Variants in CDC27 observed in about 807,000 individuals in gnomAD.
CDC27 encodes cell division cycle 27, also known as cell division cycle protein 27 homolog.
A neutral mutation model predicts 109.7 loss-of-function variants in CDC27; 27 were observed. The ratio of observed to expected loss-of-function variants is 0.25; its 90% CI spans 0.18 to 0.34. CDC27 has a LOEUF of 0.34. Ranked by LOEUF, CDC27 falls within the 10% of genes least tolerant of loss-of-function variation. The probability of loss-of-function intolerance (pLI) is 1.00; values close to 1 mark genes in which losing one functional copy is unlikely to be tolerated. For synonymous variants in CDC27, 266 were observed against 333.9 expected (o/e 0.80, Z 2.22); for missense variants, 579 against 960.2 (o/e 0.60, Z 5.25).
chr17:47,168,972 T>C (rs1475411691), intron 4 of CDC27, among the ~76,000 whole-genome samples: 1 of 151,060 alleles, frequency 6.6e-6, no homozygotes, highest in African/African-American at 2.4e-5. Flanking sequence ...GCAGAGTTAC[T>C]TGTTCTTTTT....
At chr17:47,128,639 G>A (rs536884555) in intron 16 of CDC27, among the ~76,000 whole-genome samples, 2 of 152,116 alleles carry the variant, frequency 1.3e-5, no homozygotes, top group African/African-American at 4.8e-5. Context: ...CTAGATAGTA[G>A]GCCCCTCAAA....
chr17:47,141,786 G>A, intron 12 of CDC27, 67 bp downstream of exon 12: 1 of 891,788 alleles, frequency 1.1e-6, no homozygotes, highest in East Asian at 2.7e-5. Flanking sequence ...TCTTAAGCAT[G>A]GGCATTTATT....
chr17:47,156,053 C>A (rs1025912244), intron 7 of CDC27, among the ~76,000 whole-genome samples: 1 of 152,102 alleles, frequency 6.6e-6, no homozygotes, highest in South Asian at 2.1e-4. Context: ...TGAGGCTCAC[C>A]GCTATCCATT....
rs1028218050 is a variant in CDC27, at chr17:47,142,502, C to T, written c.1171-66G>A. 4.9e-6 allele frequency: 3 copies of T among 617,988 alleles called. No homozygotes were observed. The Admixed American group carries it at 9.2e-5, about 19-fold the overall frequency. The allele number at this position is 617,988 out of a possible 1,614,324, so 38.3% of individuals were successfully genotyped here. A position where few individuals can be genotyped will look rare whatever the true frequency, so the allele number is the denominator to read the frequency against. On this transcript the variant is annotated intron_variant, in intron 10 of 18. Transcript: ENST00000066544. ...ATTTTAGATTTCTCCTCAGCCCTTT[C>T]TCCAGTATTAGATATAAAATAAATG...
At chr17:47,171,864 A>C in intron 3 of CDC27, 53 bp downstream of exon 3, 1 of 1,271,970 alleles carries the variant, frequency 7.9e-7, no homozygotes, top group Non-Finnish European at 1.1e-6. Flanking sequence ...ATTTTATCCA[A>C]AATTCAACAG....
At chr17:47,184,419 C>A (rs1469190454) in intron 1 of CDC27, among the ~76,000 whole-genome samples, 2 of 152,122 alleles carry the variant, frequency 1.3e-5, no homozygotes, top group African/African-American at 4.8e-5. Context: ...ACAAAAGACT[C>A]AAATGATTTA....
intron 4 of CDC27, 27 bp downstream of exon 4, chr17:47,169,890 C>T (rs1468732150): frequency 6.5e-7 from 1 of 1,542,924 alleles, no homozygotes; most frequent in Admixed American, 2.2e-5. Flanking sequence ...AAATGCTTTT[C>T]TGACAGTTTG....
At chr17:47,141,744 C>G in intron 12 of CDC27, 109 bp downstream of exon 12, 1 of 573,852 alleles carries the variant, frequency 1.7e-6, no homozygotes, top group Non-Finnish European at 3.0e-6. Context: ...ATAGACATTA[C>G]ATAATAAATA....
At chr17:47,180,702 T>C (rs949137600) in intron 2 of CDC27, among the ~76,000 whole-genome samples, 1 of 152,018 alleles carries the variant, frequency 6.6e-6, no homozygotes, top group African/African-American at 2.4e-5. Context: ...TTATCAGTGG[T>C]GTTTATTAAG....
chr17:47,138,359 A>C (rs1235294644), intron 13 of CDC27, among the ~76,000 whole-genome samples: 1 of 152,236 alleles, frequency 6.6e-6, no homozygotes, highest in Non-Finnish European at 1.5e-5. Flanking sequence ...ACAATCTTAC[A>C]AGATTAGAGC....
Position 47,178,553 on chromosome 17 carries a change from GAAA to G in CDC27, c.103+3006_103+3008del, listed in dbSNP as rs3032863. The stretch of plus-strand genomic sequence containing the variant: ...AAAATAAATAAATAAATAAAAATAA[GAAA>G]AAAAAAAAAAAACCCTGAAAAGTCA... On this transcript the variant is annotated intron_variant, in intron 2 of 18. Coordinates refer to ENST00000066544, the MANE Select transcript of CDC27 (RefSeq NM_001256.6). 5.2e-3 allele frequency among the ~76,000 whole-genome samples: 717 copies of G among 137,918 alleles called. 2 individuals carry two copies. The highest frequency in any genetic ancestry group is 0.017 in the African/African-American group (640 of 36,954). 90.5% of individuals were successfully genotyped at this position (137,918 alleles called of 152,430 possible).
chr17:47,166,184 G>A (rs964500228), intron 4 of CDC27, among the ~76,000 whole-genome samples: 8 of 152,134 alleles, frequency 5.3e-5, no homozygotes, highest in Non-Finnish European at 8.8e-5. Flanking sequence ...TGGAATCAAG[G>A]AAATGTGGCC....
At chr17:47,148,940 A>G (rs1052081090) in intron 9 of CDC27, among the ~76,000 whole-genome samples, 2 of 152,006 alleles carry the variant, frequency 1.3e-5, no homozygotes, top group South Asian at 2.1e-4. Context: ...TTAGCTGAGC[A>G]TGATAGCACA....
At position 47,148,137 on chromosome 17, in the gene CDC27, G is replaced by A. The variant is rs540883546; in HGVS notation, c.1070+3669C>T. On this transcript the variant is annotated intron_variant, in intron 9 of 18. Coordinates refer to ENST00000066544, the MANE Select transcript of CDC27 (RefSeq NM_001256.6). ...CGCTTGAACCCAGGAGGGGCGGAGG[G>A]TGCAGTGAGCCAGATTGTGCCACTG... 8.7e-4 allele frequency among the ~76,000 whole-genome samples: 130 copies of A among 149,574 alleles called. 1 individual carries two copies. Among genetic ancestry groups the A allele is most frequent in the Non-Finnish European group, 1.6e-3 (107 of 67,360 alleles).
chr17:47,156,578 G>A (rs1253669350), intron 7 of CDC27: 1 of 161,530 alleles, frequency 6.2e-6, no homozygotes, highest in Non-Finnish European at 1.3e-5. Flanking sequence ...CTCCTGAGTA[G>A]CTGGGATTAC....
At position 47,141,991 on chromosome 17, in the gene CDC27, T is replaced by C. The variant is rs776780715; in HGVS notation, c.1413A>G (p.Lys471=). The change falls in exon 12 of 19, where the codon AAA becomes AAG. Residue 471 remains lysine (K), a synonymous_variant. Coordinates refer to ENST00000066544, the MANE Select transcript of CDC27 (RefSeq NM_001256.6). ...TGTATGAACACAAAGCTAAATAACC[T>C]TTCCCCATTTCACGAAGAAGGCTCA... ...GLMSLLREMG[K]GYLALCSYNC... 6.9e-6 allele frequency: 11 copies of C among 1,596,486 alleles called. No individual in the cohort carries two copies. The highest frequency in any genetic ancestry group is 9.4e-6 in the Non-Finnish European group (11 of 1,173,680).
intron 1 of CDC27, among the ~76,000 whole-genome samples, chr17:47,185,677 C>T (rs1057075999): frequency 6.6e-6 from 1 of 152,154 alleles, no homozygotes; most frequent in Non-Finnish European, 1.5e-5. Flanking sequence ...GCTGGGATTA[C>T]AAGCGTGAGC....
intron 16 of CDC27, among the ~76,000 whole-genome samples, chr17:47,128,250 C>G (rs182285668): frequency 2.6e-5 from 4 of 152,184 alleles, no homozygotes; most frequent in Admixed American, 2.6e-4. Flanking sequence ...AGGCTGGTCT[C>G]GAACTTCTGA....
intron 3 of CDC27, 39 bp from the exon 4 acceptor site, chr17:47,170,081 T>C (rs1408113454): frequency 2.1e-6 from 3 of 1,410,580 alleles, no homozygotes; most frequent in East Asian, 2.6e-5. Flanking sequence ...AAAACCAATA[T>C]AAAAAGCAGT....
Sources: allele counts gnomAD v4.1 joint callset (sites outside exome capture counted in the v4.1 genomes callset), GRCh38; gene constraint gnomAD v4.1.1; transcripts MANE v1.5; gene names NCBI Gene and HGNC (gene_info 2026-07-23, HGNC 2026-07-21).